Variants in STS observed in about 807,000 individuals in gnomAD.
STS encodes steryl-sulfatase.
A neutral mutation model predicts 26.8 loss-of-function variants in STS; 7 were observed. That is an observed-to-expected ratio of 0.26 (90% CI 0.15 to 0.49). The LOEUF (loss-of-function observed/expected upper bound fraction) is 0.49, where lower values mean the gene tolerates loss of function less well. Among genes scored for constraint, STS ranks in the 20% least tolerant of loss-of-function variants. The probability of loss-of-function intolerance (pLI) is 0.98; values close to 1 mark genes in which losing one functional copy is unlikely to be tolerated. For synonymous variants in STS, 199 were observed against 189.4 expected, an observed-to-expected ratio of 1.05 and a Z score of -0.42; for missense variants, 434 against 465.6, an observed-to-expected ratio of 0.93 and a Z score of 0.63.
At chrX:7,304,483 G>A (rs1343210139) in intron 7 of STS, among the ~76,000 whole-genome samples, 2 of 111,174 alleles carry the variant, frequency 1.8e-5, no homozygotes, top group Non-Finnish European at 3.8e-5. Context: ...AATAACTCCC[G>A]GTTATTCCTC....
chrX:7,261,033 T>C (rs1390828595), intron 6 of STS, among the ~76,000 whole-genome samples: 2 of 110,861 alleles, frequency 1.8e-5, no homozygotes, highest in African/African-American at 6.6e-5. Flanking sequence ...TAATACATAA[T>C]ATAGAGAGCA....
chrX:7,348,302 A>G (rs1448512213), intron 10 of STS, among the ~76,000 whole-genome samples: 4 of 111,923 alleles, frequency 3.6e-5, no homozygotes, highest in Non-Finnish European at 5.6e-5. Flanking sequence ...GATTGCATTA[A>G]TCAGTTTTGC....
chrX:7,176,148 T>C (rs1933566442), intron 1 of STS, among the ~76,000 whole-genome samples: 1 of 111,719 alleles, frequency 9.0e-6, no homozygotes, highest in Admixed American at 9.6e-5. Flanking sequence ...CAGTTTCCAT[T>C]GTTTTCCAAT....
intron 9 of STS, among the ~76,000 whole-genome samples, chrX:7,331,410 A>G (rs2147174026): frequency 9.0e-6 from 1 of 111,101 alleles, no homozygotes; most frequent in South Asian, 3.9e-4. Flanking sequence ...TCCCTTTTCC[A>G]CCAAGAGCCA....
intron 10 of STS, among the ~76,000 whole-genome samples, chrX:7,346,883 C>T (rs1928552438): frequency 9.2e-6 from 1 of 108,767 alleles, no homozygotes; most frequent in African/African-American, 3.4e-5. Context: ...GCCTGGGCAA[C>T]ATGGAGACAC....
chrX:7,148,244 G>A, intron 1 of STS, 161 bp downstream of exon 1: 1 of 337,480 alleles, frequency 3.0e-6, no homozygotes, highest in Non-Finnish European at 5.0e-6. Flanking sequence ...GCGGCCCCTC[G>A]CCCGGCTCCG....
chrX:7,303,337 C>T (rs1383122337), intron 7 of STS, among the ~76,000 whole-genome samples: 2 of 111,016 alleles, frequency 1.8e-5, no homozygotes, highest in Non-Finnish European at 3.8e-5. Context: ...TTATTAGCAA[C>T]GTGAGAGCAG....
chrX:7,338,414 G>T (rs1214646304), intron 10 of STS, among the ~76,000 whole-genome samples: 1 of 112,273 alleles, frequency 8.9e-6, no homozygotes, highest in African/African-American at 3.2e-5. Flanking sequence ...ATGCAATATA[G>T]TACATAGTTA....
At chrX:7,267,893 ACT>A (rs779256823) in intron 6 of STS, among the ~76,000 whole-genome samples, 9 of 111,985 alleles carry the variant, frequency 8.0e-5, no homozygotes, top group Middle Eastern at 4.6e-3. Flanking sequence ...ATGTAGGATA[ACT>A]CTTGTTCTTT....
intron 7 of STS, among the ~76,000 whole-genome samples, chrX:7,303,398 C>T (rs151289909): frequency 0.091 from 10,125 of 110,727 alleles, 454 homozygotes; most frequent in Non-Finnish European, 0.14. Flanking sequence ...TGAGAGAGCT[C>T]GGAAAAGAAA....
chrX:7,153,977 C>T (rs1426245492), intron 1 of STS, among the ~76,000 whole-genome samples: 1 of 110,431 alleles, frequency 9.1e-6, no homozygotes, highest in East Asian at 2.8e-4. Flanking sequence ...CCCTCCCCCT[C>T]TCCTGCCCTC....
At chrX:7,349,431 G>A (rs149200914) in intron 10 of STS, among the ~76,000 whole-genome samples, 4,181 of 90,356 alleles carry the variant, frequency 0.046, 163 homozygotes, top group African/African-American at 0.13. Flanking sequence ...CACCTCCCAG[G>A]TTCAAGTGAT....
At chrX:7,191,076 A>G in intron 2 of STS, 68 bp downstream of exon 2, 8 of 621,758 alleles carry the variant, frequency 1.3e-5, no homozygotes, top group South Asian at 8.5e-5. Flanking sequence ...CACCCAGACC[A>G]TGTTGTCTAA....
rs1335234931 is a variant in STS, at chrX:7,238,001, T to A, written c.-4-15195T>A. 6.3e-5 allele frequency among the ~76,000 whole-genome samples: 7 copies of A among 110,923 alleles called. No individual in the cohort carries two copies. In the East Asian group the frequency reaches 2.0e-3, roughly 32 times the overall value. Reference sequence around the variant, plus strand: ...TTCTTTGCTGTGGTAAAGTTCCTGTTATGTAAGCACATTGTTTACATGTCT... The same window carrying A: ...TTCTTTGCTGTGGTAAAGTTCCTGTAATGTAAGCACATTGTTTACATGTCT... On this transcript the variant is annotated intron_variant, in intron 2 of 10. Transcript: ENST00000674429.
intron 1 of STS, 71 bp downstream of exon 1, chrX:7,148,154 G>GCGCGCGCACCCGCCCGC (rs1291603576): frequency 4.0e-6 from 4 of 988,236 alleles, no homozygotes; most frequent in Non-Finnish European, 2.7e-6. Context: ...AGGAGGAAGT[G>GCGCGCGCACCCGCCCGC]CGCGCGCACC....
chrX:7,177,092 A>G (rs1269744589), intron 1 of STS, among the ~76,000 whole-genome samples: 1 of 111,675 alleles, frequency 9.0e-6, no homozygotes, highest in Admixed American at 9.6e-5. Context: ...ATCCAGGATC[A>G]TCTCCACATC....
chrX:7,324,111 C>G (rs1311919546), intron 8 of STS, among the ~76,000 whole-genome samples: 4 of 107,823 alleles, frequency 3.7e-5, no homozygotes, highest in Non-Finnish European at 5.7e-5. Flanking sequence ...CAGCATTAGT[C>G]AATATATGTA....
intron 1 of STS, among the ~76,000 whole-genome samples, chrX:7,166,030 C>T (rs1305317305): frequency 4.0e-5 from 4 of 99,182 alleles, no homozygotes; most frequent in African/African-American, 1.1e-4. Context: ...TTAATTGAGA[C>T]AGGGTCTTGC....
chrX:7,201,401 C>A (rs1013370228), intron 2 of STS, among the ~76,000 whole-genome samples: 7 of 111,634 alleles, frequency 6.3e-5, no homozygotes, highest in African/African-American at 2.3e-4. Flanking sequence ...GCATAAAAAC[C>A]TAAACCAATT....
Sources: allele counts gnomAD v4.1 joint callset (sites outside exome capture counted in the v4.1 genomes callset), GRCh38; gene constraint gnomAD v4.1.1; transcripts MANE v1.5; gene names NCBI Gene and HGNC (gene_info 2026-07-23, HGNC 2026-07-21).